Variants in TMC1 observed in about 807,000 individuals in gnomAD.
TMC1 encodes the protein transmembrane channel like 1, also known as transmembrane channel-like protein 1.
TMC1 carries 84 observed loss-of-function variants against 105.8 expected under a neutral mutation model. The observed-to-expected ratio is 0.79, with a 90% confidence interval of 0.67 to 0.95. The LOEUF is 0.95. TMC1 is among the 40% of genes least tolerant of loss of function. TMC1 has a pLI of 0.00. For synonymous variants in TMC1, 315 were observed against 311.5 expected (o/e 1.01, Z -0.12); for missense variants, 817 against 914.1 (o/e 0.89, Z 1.37).
At chr9:72,534,322 T>C (rs938807163) in intron 1 of TMC1, among the ~76,000 whole-genome samples, 4 of 152,116 alleles carry the variant, frequency 2.6e-5, no homozygotes, top group African/African-American at 7.2e-5. Context: ...GGTAGGGCCA[T>C]GAAACAGAAA....
chr9:72,678,495 T>C (rs189416196), intron 5 of TMC1, among the ~76,000 whole-genome samples: 47 of 152,240 alleles, frequency 3.1e-4, no homozygotes, highest in Non-Finnish European at 5.9e-4. Context: ...CAGTTAATGT[T>C]TGTGAGCCTC....
intron 2 of TMC1, among the ~76,000 whole-genome samples, chr9:72,614,476 C>G (rs1210301182): frequency 2.0e-5 from 3 of 152,120 alleles, no homozygotes; most frequent in African/African-American, 7.2e-5. Context: ...AAAATCAGAT[C>G]ATCAACTGCT....
intron 17 of TMC1, among the ~76,000 whole-genome samples, chr9:72,794,303 T>TA: frequency 6.6e-6 from 1 of 152,166 alleles, no homozygotes; most frequent in South Asian, 2.1e-4. Context: ...GCCCCAGAGC[T>TA]GAAGGGGCAG....
intron 1 of TMC1, among the ~76,000 whole-genome samples, chr9:72,532,109 T>TTAA (rs1823506636): frequency 6.6e-6 from 1 of 152,028 alleles, no homozygotes; most frequent in Non-Finnish European, 1.5e-5. Flanking sequence ...TTTTGTATTT[T>TTAA]TAGTAGAGAT....
chr9:72,578,098 C>T (rs1398533229), intron 2 of TMC1, 75 bp downstream of exon 2: 1 of 152,110 alleles, frequency 6.6e-6, no homozygotes, highest in Non-Finnish European at 1.5e-5. Context: ...TCAGGCTGGA[C>T]TTGAACTCCT....
intron 5 of TMC1, chr9:72,651,298 A>T (rs538855271): frequency 6.6e-6 from 1 of 152,088 alleles, no homozygotes; most frequent in Admixed American, 6.6e-5. Context: ...TGCCTGGATA[A>T]CCTCCTGTAT....
intron 18 of TMC1, 117 bp downstream of exon 18, chr9:72,805,627 G>C: frequency 6.5e-6 from 6 of 926,946 alleles, no homozygotes; most frequent in Non-Finnish European, 9.3e-6. Flanking sequence ...CAATAGTGGA[G>C]GGAAGGTCAG....
chr9:72,749,588 G>A (rs1827545677), intron 10 of TMC1, among the ~76,000 whole-genome samples: 1 of 152,064 alleles, frequency 6.6e-6, no homozygotes, highest in Non-Finnish European at 1.5e-5. Context: ...GCTGAGGTAG[G>A]GTGGGGTGGG....
chr9:72,543,282 C>T (rs907005177), intron 1 of TMC1, among the ~76,000 whole-genome samples: 6 of 152,176 alleles, frequency 3.9e-5, no homozygotes, highest in African/African-American at 1.4e-4. Context: ...CAAATCCTAT[C>T]TGTTCTTCCT....
chr9:72,529,714 G>T (rs976699263), intron 1 of TMC1, among the ~76,000 whole-genome samples: 1 of 151,494 alleles, frequency 6.6e-6, no homozygotes, highest in Admixed American at 6.6e-5. Flanking sequence ...CTGCCTTTGG[G>T]AAAAAGTGAC....
chr9:72,637,612 C>T (rs1199965848), intron 4 of TMC1, among the ~76,000 whole-genome samples: 1 of 152,146 alleles, frequency 6.6e-6, no homozygotes, highest in African/African-American at 2.4e-5. Context: ...AGACCTATTT[C>T]CCAGAGACCA....
chr9:72,801,247 C>T (rs529105938), intron 17 of TMC1, among the ~76,000 whole-genome samples: 1 of 152,186 alleles, frequency 6.6e-6, no homozygotes, highest in African/African-American at 2.4e-5. Flanking sequence ...CTCTTTGAAG[C>T]TATATCCTGA....
intron 6 of TMC1, among the ~76,000 whole-genome samples, chr9:72,693,544 G>A (rs181175719): frequency 2.0e-5 from 3 of 152,182 alleles, no homozygotes; most frequent in Admixed American, 6.5e-5. Context: ...CATAAAATCA[G>A]AATCAGATAA....
At chr9:72,626,841 C>A (rs1825355825) in intron 3 of TMC1, among the ~76,000 whole-genome samples, 1 of 152,080 alleles carries the variant, frequency 6.6e-6, no homozygotes, top group Non-Finnish European at 1.5e-5. Flanking sequence ...ACATCATGGG[C>A]CCTCTCTCCA....
chr9:72,583,614 G>A (rs1824506570), intron 2 of TMC1, among the ~76,000 whole-genome samples: 1 of 152,202 alleles, frequency 6.6e-6, no homozygotes, highest in Non-Finnish European at 1.5e-5. Flanking sequence ...CTCAAGCAAT[G>A]GCATGTTTTC....
intron 8 of TMC1, among the ~76,000 whole-genome samples, chr9:72,720,751 C>A (rs1221023713): frequency 1.3e-5 from 2 of 152,138 alleles, no homozygotes; most frequent in Non-Finnish European, 2.9e-5. Flanking sequence ...TATCTCAGTC[C>A]CAAAGTGTCA....
chr9:72,814,145 A>C (rs1238257491), intron 18 of TMC1, among the ~76,000 whole-genome samples: 1 of 152,208 alleles, frequency 6.6e-6, no homozygotes, highest in Admixed American at 6.5e-5. Flanking sequence ...GGGCCACCTC[A>C]TGATACCATT....
At chr9:72,745,285 T>A (rs1827470845) in intron 10 of TMC1, among the ~76,000 whole-genome samples, 3 of 152,176 alleles carry the variant, frequency 2.0e-5, no homozygotes, top group Admixed American at 1.3e-4. Context: ...TGTCCCAGAA[T>A]TAGTAGCAGA....
chr9:72,655,932 C>T (rs1825877743), intron 5 of TMC1: 1 of 798,434 alleles, frequency 1.3e-6, no homozygotes, highest in Non-Finnish European at 2.2e-6. Context: ...GTCAATGAGT[C>T]GCTTGTGGAT....
Sources: allele counts gnomAD v4.1 joint callset (sites outside exome capture counted in the v4.1 genomes callset), GRCh38; gene constraint gnomAD v4.1.1; transcripts MANE v1.5; gene names NCBI Gene and HGNC (gene_info 2026-07-23, HGNC 2026-07-21).